Variants in CDK12 observed in about 807,000 individuals in gnomAD.
CDK12 encodes cyclin dependent kinase 12, also known as cyclin-dependent kinase 12.
Under a neutral mutation model 133.8 loss-of-function variants are expected in CDK12, and 17 were observed. That is an observed-to-expected ratio of 0.13 (90% CI 0.09 to 0.19). CDK12 has a LOEUF of 0.19. CDK12 is among the 10% of genes least tolerant of loss of function. CDK12 has a pLI of 1.00. For synonymous variants in CDK12, 694 were observed against 683.6 expected (o/e 1.02, Z -0.24); for missense variants, 1,508 against 1,818.7 (o/e 0.83, Z 3.11).
chr17:39,511,446 A>G, intron 7 of CDK12, 83 bp from the exon 8 acceptor site: 2 of 871,560 alleles, frequency 2.3e-6, no homozygotes, highest in Non-Finnish European at 3.7e-6. Context: ...TTTGGCACCT[A>G]TTTCTATTTG....
In CDK12 at chr17:39,530,706, G is replaced by T; in HGVS notation, c.3863G>T (p.Ser1288Ile). Residue 1288 changes from serine (S) to isoleucine (I), a missense_variant, in exon 14 of 14, where the codon AGC becomes ATC. Transcript: ENST00000447079. ...PPPLVEGDLS[S>I]APQELNPAVT... ...CCTCTGGTTGAAGGCGATCTTTCCA[G>T]CGCCCCCCAGGAGTTGAACCCAGCC... The T allele has an allele frequency of 6.2e-7, 1 of 1,612,994 alleles. No individual in the cohort carries two copies. The highest frequency in any genetic ancestry group is 8.5e-7 in the Non-Finnish European group (1 of 1,179,844).
At chr17:39,497,954 C>G (rs2052258295) in intron 5 of CDK12, among the ~76,000 whole-genome samples, 1 of 151,962 alleles carries the variant, frequency 6.6e-6, no homozygotes, top group South Asian at 2.1e-4. Context: ...CTCTATGTTA[C>G]CAGTTTTATT....
chr17:39,477,983 G>A (rs374644850), intron 2 of CDK12, among the ~76,000 whole-genome samples: 13 of 151,790 alleles, frequency 8.6e-5, no homozygotes, highest in East Asian at 5.8e-4. Flanking sequence ...TGGGATTACA[G>A]GCATGAGCCA....
chr17:39,465,646 A>G (rs1056351529), intron 1 of CDK12, among the ~76,000 whole-genome samples: 4 of 151,800 alleles, frequency 2.6e-5, no homozygotes, highest in Non-Finnish European at 5.9e-5. Flanking sequence ...CCACCATCAC[A>G]TCTGGCTAAT....
chr17:39,493,751 AC>A (rs1451059364), intron 4 of CDK12, among the ~76,000 whole-genome samples: 1 of 152,022 alleles, frequency 6.6e-6, no homozygotes, highest in Admixed American at 6.6e-5. Context: ...TAATTTCAGC[AC>A]TTTGGGAGGC....
Position 39,519,859 on chromosome 17 carries a change from G to A in CDK12, c.2964-97G>A, listed in dbSNP as rs944725691. On this transcript the variant is annotated intron_variant, in intron 10 of 13. Transcript: ENST00000447079. ...CAGTCCTACCTTGGCCTCCCAAAGT[G>A]CTGGAATTACAGGTGTGAGACCCTT... 6.9e-6 allele frequency: 10 copies of A among 1,448,278 alleles called. No homozygotes were observed. In the Admixed American group the frequency reaches 7.0e-5, roughly 10 times the overall value. The allele number at this position is 1,448,278 out of a possible 1,614,324, so 89.7% of individuals were successfully genotyped here. A position where few individuals can be genotyped will look rare whatever the true frequency, so the allele number is the denominator to read the frequency against.
At chr17:39,562,026 G>A (rs957668039) in intron 3 of CDK12, among the ~76,000 whole-genome samples, 3 of 152,130 alleles carry the variant, frequency 2.0e-5, no homozygotes, top group African/African-American at 4.8e-5. Context: ...TGCAACCTCC[G>A]CCTCCTGGGT....
chr17:39,498,072 C>T (rs2052277903), intron 5 of CDK12, among the ~76,000 whole-genome samples: 1 of 151,656 alleles, frequency 6.6e-6, no homozygotes, highest in Non-Finnish European at 1.5e-5. Context: ...GACATGATCA[C>T]AGCTCACTGT....
At chr17:39,490,132 C>T (rs56374435) in intron 2 of CDK12, among the ~76,000 whole-genome samples, 7,067 of 149,776 alleles carry the variant, frequency 0.047, 341 homozygotes, top group African/African-American at 0.12. Context: ...TTTGGGAGGC[C>T]GAGGCACGTG....
intron 13 of CDK12, among the ~76,000 whole-genome samples, chr17:39,528,434 A>G (rs973503207): frequency 2.6e-5 from 4 of 151,966 alleles, no homozygotes; most frequent in Non-Finnish European, 4.4e-5. Context: ...CCCAGGTTCA[A>G]GCGATTCTCC....
intron 5 of CDK12, among the ~76,000 whole-genome samples, chr17:39,495,283 C>T (rs1402636520): frequency 1.3e-5 from 2 of 148,224 alleles, no homozygotes; most frequent in Non-Finnish European, 3.0e-5. Context: ...TCGCTATGTT[C>T]GTCGAGCTGG....
intron 6 of CDK12, among the ~76,000 whole-genome samples, chr17:39,504,221 T>A (rs1199631343): frequency 6.6e-6 from 1 of 152,196 alleles, no homozygotes; most frequent in African/African-American, 2.4e-5. Flanking sequence ...TTTGAATATG[T>A]CTTTTATATA....
upstream of CDK12, among the ~76,000 whole-genome samples, chr17:39,545,647 C>T (rs540862817): frequency 4.0e-5 from 6 of 151,802 alleles, no homozygotes; most frequent in Admixed American, 6.6e-5. Context: ...TACAGGTGCC[C>T]GCCACTACGC....
intron 7 of CDK12, 96 bp downstream of exon 7, chr17:39,509,857 G>A (rs1370998422): frequency 1.2e-5 from 11 of 933,004 alleles, no homozygotes; most frequent in South Asian, 5.4e-5. Context: ...GCTGGAGTGC[G>A]TGGCTTGATC....
chr17:39,495,616 C>A (rs2052037571), intron 5 of CDK12, among the ~76,000 whole-genome samples: 1 of 151,064 alleles, frequency 6.6e-6, no homozygotes, highest in Non-Finnish European at 1.5e-5. Context: ...ACGGCAAAAC[C>A]CTGACTCTAC....
chr17:39,482,756 C>T (rs1003830385), intron 2 of CDK12, among the ~76,000 whole-genome samples: 3 of 151,620 alleles, frequency 2.0e-5, no homozygotes, highest in Non-Finnish European at 4.4e-5. Context: ...GCATGTGCCA[C>T]CATGCTTGGC....
In CDK12 at chr17:39,532,563, A is replaced by G. The variant is rs1486795538; in HGVS notation, c.*1247A>G. ...AAATGTAACCTAGTTTAGGGTGGGT[A>G]TTTTTCTGAAGATACATCAATACCT... On this transcript the variant is annotated 3_prime_UTR_variant, in exon 14 of 14. Coordinates refer to ENST00000447079, the MANE Select transcript of CDK12 (RefSeq NM_016507.4). The G allele has an allele frequency of 4.3e-6, 1 of 232,090 alleles. No individual in the cohort carries two copies. Among genetic ancestry groups the G allele is most frequent in the African/African-American group, 2.2e-5 (1 of 45,282 alleles). 14.4% of individuals were successfully genotyped at this position (232,090 alleles called of 1,614,324 possible).
At chr17:39,539,131 C>T (rs935825276), downstream of CDK12, among the ~76,000 whole-genome samples, 2 of 152,098 alleles carry the variant, frequency 1.3e-5, no homozygotes, top group African/African-American at 4.8e-5. Flanking sequence ...CTTCTCCATT[C>T]CTAGAGACCT....
At chr17:39,465,222 G>C (rs990495228) in intron 1 of CDK12, among the ~76,000 whole-genome samples, 2 of 147,984 alleles carry the variant, frequency 1.4e-5, no homozygotes, top group African/African-American at 5.0e-5. Flanking sequence ...CTCCAGCCTA[G>C]GTGACAGAGA....
Sources: allele counts gnomAD v4.1 joint callset (sites outside exome capture counted in the v4.1 genomes callset), GRCh38; gene constraint gnomAD v4.1.1; transcripts MANE v1.5; gene names NCBI Gene and HGNC (gene_info 2026-07-23, HGNC 2026-07-21).